Variants in LTBR observed in about 807,000 individuals in gnomAD.
LTBR encodes tumor necrosis factor receptor superfamily member 3.
Under a neutral mutation model 45.4 loss-of-function variants are expected in LTBR, and 15 were observed. The observed-to-expected ratio is 0.33, with a 90% CI of 0.22 to 0.51. The LOEUF (loss-of-function observed/expected upper bound fraction) is 0.51, where lower values mean the gene tolerates loss of function less well. Among genes scored for constraint, LTBR ranks in the 20% least tolerant of loss-of-function variants. LTBR has a pLI of 0.97. For synonymous variants in LTBR, 228 were observed against 231.0 expected (o/e 0.99, Z 0.12); for missense variants, 450 against 565.5 (o/e 0.80, Z 2.07).
At chr12:6,383,776 C>T (rs1461935567), upstream of LTBR, among the ~76,000 whole-genome samples, 1 of 152,250 alleles carries the variant, frequency 6.6e-6, no homozygotes, top group Non-Finnish European at 1.5e-5. Context: ...CTCAGAGCTG[C>T]TTCTGCGGCC....
intron 1 of LTBR, among the ~76,000 whole-genome samples, chr12:6,378,237 T>A (rs1948940726): frequency 6.7e-6 from 1 of 148,964 alleles, no homozygotes; most frequent in African/African-American, 2.5e-5. Context: ...TTCTTTTTTA[T>A]GACAGAGACC....
upstream of LTBR, among the ~76,000 whole-genome samples, chr12:6,381,577 T>C (rs7972647): frequency 0.41 from 62,663 of 152,070 alleles, 13,211 homozygotes; most frequent in Admixed American, 0.47. Context: ...GAAAGAAACA[T>C]ACAGTCCAGC....
intron 8 of LTBR, 170 bp from the exon 9 acceptor site, chr12:6,389,942 C>A: frequency 1.6e-6 from 1 of 609,026 alleles, no homozygotes; most frequent in South Asian, 2.0e-5. Flanking sequence ...GGGTGACAGA[C>A]CCTGACCCTG....
At chr12:6,377,066 G>A in intron 1 of LTBR, 1 of 546,984 alleles carries the variant, frequency 1.8e-6, no homozygotes, top group Non-Finnish European at 3.2e-6. Flanking sequence ...AGCCTTCCCA[G>A]AGAAGGTGTC....
Position 6,386,501 on chromosome 12 carries a change from TCC to T in LTBR, c.667+58_667+59del. The T allele has an allele frequency of 7.6e-7, 1 of 1,317,088 alleles. No homozygotes were observed. The highest frequency in any genetic ancestry group is 1.2e-5 in the South Asian group (1 of 81,030). The allele number at this position is 1,317,088 out of a possible 1,614,324, so 81.6% of individuals were successfully genotyped here. On this transcript the variant is annotated intron_variant, in intron 6 of 9. Transcript: ENST00000228918. This position sits in a 1 kb window ranked among gnomAD's most constrained non-coding sequence, Gnocchi z 4.1. ...GGCGCCTCTGAAAATGCCTTAATGC[TCC>T]ACATCTTAAAAAAAATGGGGAAAAG...
Position 6,386,604 on chromosome 12 carries a change from TACACAC to T in LTBR, c.667+187_667+192del, listed in dbSNP as rs3075360. The T allele has an allele frequency of 5.0e-3, 2,724 of 544,916 alleles. No homozygotes were observed. The highest frequency in any genetic ancestry group is 0.012 in the Middle Eastern group (25 of 2,014). 33.8% of individuals were successfully genotyped at this position (544,916 alleles called of 1,614,324 possible). On this transcript the variant is annotated intron_variant, in intron 6 of 9. Transcript: ENST00000228918. The surrounding 1 kb of genome is among the most constrained non-coding windows in gnomAD (Gnocchi z 4.1). ...AAATTGGAGTATCTCTAGGCTAGTTTACACACACACACACACACACACACACACACA... is the reference window on the plus strand; with the variant it reads ...AAATTGGAGTATCTCTAGGCTAGTTTACACACACACACACACACACACACA...
chr12:6,379,965 A>AG (rs1490512825), upstream of LTBR, among the ~76,000 whole-genome samples: 2 of 151,962 alleles, frequency 1.3e-5, no homozygotes, highest in East Asian at 3.9e-4. Flanking sequence ...AAAAACAAAA[A>AG]AAGAAGTTCA....
chr12:6,385,251 C>A lies in LTBR; in HGVS notation c.344C>A (p.Pro115His). Residue 115 changes from proline to histidine, a missense_variant, in exon 4 of 10, where the codon CCC becomes CAC. Pro to His is a moderately conservative substitution (Grantham distance 77, BLOSUM62 -2). Coordinates refer to ENST00000228918, the MANE Select transcript of LTBR (RefSeq NM_002342.3). ...DPVMGLEEIA[P>H]CTSKRKTQCR... is the part of the protein sequence containing the mutation. ...GTGATGGGCCTCGAGGAGATTGCCC[C>A]CTGCACAAGCAAACGGAAGACCCAG... 6.2e-7 allele frequency: 1 copy of A among 1,614,142 alleles called. No homozygotes were observed. Among genetic ancestry groups the A allele is most frequent in the Non-Finnish European group, 8.5e-7 (1 of 1,180,034 alleles).
At chr12:6,377,308 G>A (rs963483853) in intron 1 of LTBR, 7 of 1,526,322 alleles carry the variant, frequency 4.6e-6, no homozygotes, top group Non-Finnish European at 5.3e-6. Context: ...TTTCTTCATT[G>A]TCCTAATGAA....
Position 6,385,621 on chromosome 12 carries a change from A to C in LTBR, c.472+242A>C. On this transcript the variant is annotated intron_variant, in intron 4 of 9. Transcript: ENST00000228918. ...GGGAAGCTTGGGCAAAATGGTAGGC[A>C]GTAGGCCGGGTGTGGTGGCCCACGC... 3 of 558,556 alleles carry C rather than the reference A, an allele frequency of 5.4e-6. No individual in the cohort carries two copies. In the South Asian group the frequency reaches 6.5e-5, roughly 12 times the overall value. 34.6% of individuals were successfully genotyped at this position (558,556 alleles called of 1,614,324 possible). A position where few individuals can be genotyped will look rare whatever the true frequency, so the allele number is the denominator to read the frequency against.
At position 6,386,746 on chromosome 12, in the gene LTBR, G is replaced by A. The variant is rs767529549; in HGVS notation, c.667+302G>A. ...TGGGCTTACCAACATTACACAATCC[G>A]TTTTTTTTTTTCACACAATCCATTA... On this transcript the variant is annotated intron_variant, in intron 6 of 9. Coordinates refer to ENST00000228918, the MANE Select transcript of LTBR (RefSeq NM_002342.3). The surrounding 1 kb of genome is among the most constrained non-coding windows in gnomAD (Gnocchi z 4.1). 248 of 237,562 alleles carry A rather than the reference G, an allele frequency of 1.0e-3. 1 individual carries two copies. Among genetic ancestry groups the A allele is most frequent in the Non-Finnish European group, 1.7e-3 (207 of 124,400 alleles). 14.7% of individuals were successfully genotyped at this position (237,562 alleles called of 1,614,324 possible).
chr12:6,376,437 G>A (rs1044898404), intron 1 of LTBR, among the ~76,000 whole-genome samples: 2 of 152,184 alleles, frequency 1.3e-5, no homozygotes, highest in Admixed American at 1.3e-4. Context: ...GGCCACGCAG[G>A]ACACTGTGGA....
chr12:6,387,640 G>T (rs551491854), intron 6 of LTBR: 5 of 229,312 alleles, frequency 2.2e-5, no homozygotes, highest in South Asian at 2.0e-4. Context: ...ATAGAAATGC[G>T]GGAGTCCTCC....
chr12:6,390,746 C>A lies in LTBR; in HGVS notation c.1117C>A (p.Pro373Thr). Residue 373 changes from proline to threonine, a missense_variant, in exon 10 of 10, where the codon CCG (proline) becomes ACG (threonine). Coordinates refer to ENST00000228918, the MANE Select transcript of LTBR (RefSeq NM_002342.3). Reference protein sequence around the residue: ...IYNGPVLGGPPGPGDLPATPE... With the variant: ...IYNGPVLGGPTGPGDLPATPE... ...CAATGGACCAGTACTGGGGGGACCA[C>A]CGGGTCCTGGAGACCTCCCAGCTAC... The A allele has an allele frequency of 6.4e-7, 1 of 1,561,758 alleles. No homozygotes were observed.
chr12:6,388,699 C>T lies in LTBR; in HGVS notation c.776-101C>T. ...ACAGTGGCTTGTTCCTCTGGGCCCC[C>T]GGGTGGTCAAGTTGCTACACATTGT... On this transcript the variant is annotated intron_variant, in intron 7 of 9. Transcript: ENST00000228918. The surrounding 1 kb of genome is among the most constrained non-coding windows in gnomAD (Gnocchi z 4.3). 5 of 1,442,350 alleles carry T rather than the reference C, an allele frequency of 3.5e-6. No homozygotes were observed. Among genetic ancestry groups the T allele is most frequent in the Non-Finnish European group, 4.9e-6 (5 of 1,028,856 alleles). 89.3% of individuals were successfully genotyped at this position (1,442,350 alleles called of 1,614,324 possible).
intron 1 of LTBR, chr12:6,377,230 C>T (rs1364043413): frequency 1.9e-6 from 3 of 1,542,538 alleles, no homozygotes; most frequent in East Asian, 2.5e-5. Context: ...ACCAGGATTC[C>T]AAACCAGGTT....
chr12:6,375,835 G>C, intron 1 of LTBR: 4 of 1,346,906 alleles, frequency 3.0e-6, no homozygotes, highest in Non-Finnish European at 3.8e-6. Flanking sequence ...AGGAGAAGGG[G>C]CCAGCCAGGC....
chr12:6,383,296 A>T (rs1949002499), upstream of LTBR, among the ~76,000 whole-genome samples: 1 of 152,148 alleles, frequency 6.6e-6, no homozygotes, highest in Non-Finnish European at 1.5e-5. Flanking sequence ...TGTTGGGTTG[A>T]GGGAGATGGG....
At chr12:6,377,023 G>A (rs1223663224) in intron 1 of LTBR, 3 of 468,068 alleles carry the variant, frequency 6.4e-6, no homozygotes, top group Non-Finnish European at 7.6e-6. Context: ...AAGGGCTAGG[G>A]GAGCCTAGGG....
Sources: allele counts gnomAD v4.1 joint callset (sites outside exome capture counted in the v4.1 genomes callset), GRCh38; gene constraint gnomAD v4.1.1; non-coding constraint Gnocchi (gnomAD v3.1); transcripts MANE v1.5; gene names NCBI Gene and HGNC (gene_info 2026-07-23, HGNC 2026-07-21).